The following VEZT variants were observed in gnomAD, a reference collection of about 807,000 sequenced individuals.
The protein encoded by VEZT is vezatin, adherens junctions transmembrane protein, also known as vezatin.
In VEZT, 39 loss-of-function variants were observed where a neutral mutation model predicts 79.9. The ratio of observed to expected loss-of-function variants is 0.49; its 90% CI spans 0.38 to 0.64. VEZT has a LOEUF of 0.64. VEZT is among the 30% of genes least tolerant of loss of function. The pLI is 0.00. For missense variants in VEZT, 837 were observed against 893.1 expected, an observed-to-expected ratio of 0.94 and a Z score of 0.80; for synonymous variants, 325 against 327.6, an observed-to-expected ratio of 0.99 and a Z score of 0.09.
chr12:95,252,197 T>G, intron 2 of VEZT, 126 bp downstream of exon 2: 1 of 1,022,790 alleles, frequency 9.8e-7, no homozygotes, highest in Non-Finnish European at 1.3e-6. Flanking sequence ...TCATCAATAG[T>G]ACAAAACTTT....
chr12:95,227,569 G>C (rs1307379720), intron 1 of VEZT, among the ~76,000 whole-genome samples: 1 of 152,130 alleles, frequency 6.6e-6, no homozygotes. Context: ...TCGAACTCCT[G>C]ACCTCAGGTG....
chr12:95,236,594 A>T (rs546549143), intron 1 of VEZT, among the ~76,000 whole-genome samples: 7 of 140,840 alleles, frequency 5.0e-5, no homozygotes, highest in Admixed American at 2.9e-4. Flanking sequence ...TTTTTTTCTG[A>T]GAGGGAGTCT....
At chr12:95,260,064 T>C (rs1323033211) in intron 3 of VEZT, among the ~76,000 whole-genome samples, 1 of 151,814 alleles carries the variant, frequency 6.6e-6, no homozygotes, top group East Asian at 1.9e-4. Flanking sequence ...AGTTTATTTG[T>C]ATTCATAGAT....
In VEZT at chr12:95,226,056, C is replaced by T. The variant is rs530554073; in HGVS notation, c.36+8170C>T. On this transcript the variant is annotated intron_variant, in intron 1 of 11. Coordinates refer to ENST00000436874, the MANE Select transcript of VEZT (RefSeq NM_017599.4). The stretch of plus-strand genomic sequence containing the variant: ...GCTGTGATGAGCTTTGATGAGGCCA[C>T]TGCACTCTGCCTTGGTGACAGATTG... Among the ~76,000 whole-genome samples, 48 of 150,390 alleles carry T rather than the reference C, an allele frequency of 3.2e-4. 1 individual carries two copies. The South Asian group carries it at 9.6e-3, about 30-fold the overall frequency.
chr12:95,282,354 C>T lies in VEZT; in HGVS notation c.1038C>T (p.Phe346=). 1.2e-6 allele frequency: 2 copies of T among 1,613,782 alleles called. No individual in the cohort carries two copies. Among genetic ancestry groups the T allele is most frequent in the Non-Finnish European group, 1.7e-6 (2 of 1,179,834 alleles). ...GGGTGGCACAGAGTTCAGAGTTCTT[C>T]AGACGGTTAGCCCTATTACTTTCTA... ...QLWVAQSSEF[F]RRLALLLSTA... is the part of the protein sequence containing the mutation. Residue 346 remains phenylalanine, a synonymous_variant, in exon 8 of 12, where the codon TTC becomes TTT. Coordinates refer to ENST00000436874, the MANE Select transcript of VEZT (RefSeq NM_017599.4).
Position 95,251,972 on chromosome 12 carries a change from G to A in VEZT, c.69G>A (p.Leu23=), listed in dbSNP as rs373135467. The A allele has an allele frequency of 1.1e-4, 172 of 1,611,838 alleles. No homozygotes were observed. Among genetic ancestry groups the A allele is most frequent in the Non-Finnish European group, 1.4e-4 (170 of 1,179,054 alleles). ...CACTTTACCAATACTTACAGGATCT[G>A]GGACACACAGACTTTGAAATATGTT... ...NSPLYQYLQD[L]GHTDFEICSS... is the part of the protein sequence containing the mutation. Residue 23 remains leucine (L), a synonymous_variant, in exon 2 of 12, where the codon CTG becomes CTA. Coordinates refer to ENST00000436874, the MANE Select transcript of VEZT (RefSeq NM_017599.4).
intron 9 of VEZT, among the ~76,000 whole-genome samples, chr12:95,290,084 C>T (rs188074901): frequency 6.6e-6 from 1 of 152,302 alleles, no homozygotes; most frequent in East Asian, 1.9e-4. Flanking sequence ...ATTTTATCCA[C>T]AGAACCCATT....
At chr12:95,246,493 G>A (rs2061742410) in intron 1 of VEZT, among the ~76,000 whole-genome samples, 1 of 152,174 alleles carries the variant, frequency 6.6e-6, no homozygotes, top group South Asian at 2.1e-4. Context: ...GTAGGACTTG[G>A]ATGAGACATT....
chr12:95,281,335 G>A (rs1007699932), intron 7 of VEZT, among the ~76,000 whole-genome samples: 11 of 152,152 alleles, frequency 7.2e-5, no homozygotes, highest in African/African-American at 2.7e-4. Context: ...AATATTAGCT[G>A]AGTATGGTGG....
Position 95,301,794 on chromosome 12 carries a change from T to C in VEZT, c.*1121T>C, listed in dbSNP as rs890307990. On this transcript the variant is annotated 3_prime_UTR_variant, in exon 12 of 12. Coordinates refer to ENST00000436874, the MANE Select transcript of VEZT (RefSeq NM_017599.4). The stretch of plus-strand genomic sequence containing the variant: ...TAGAAAGGAAATTGCATGATGAATC[T>C]AGATTGTCTTTAGAGTAAAGAAACA... 2.0e-5 allele frequency: 3 copies of C among 152,260 alleles called. No individual in the cohort carries two copies. The highest frequency in any genetic ancestry group is 7.2e-5 in the African/African-American group (3 of 41,468). 9.4% of individuals were successfully genotyped at this position (152,260 alleles called of 1,614,324 possible). A position where few individuals can be genotyped will look rare whatever the true frequency, so the allele number is the denominator to read the frequency against.
chr12:95,298,547 A>G (rs149213901), intron 11 of VEZT, among the ~76,000 whole-genome samples: 1 of 152,266 alleles, frequency 6.6e-6, no homozygotes, highest in African/African-American at 2.4e-5. Context: ...TCAGCAAATT[A>G]CTCATTCAAC....
At chr12:95,259,052 G>A (rs564530445) in intron 3 of VEZT, among the ~76,000 whole-genome samples, 2 of 152,156 alleles carry the variant, frequency 1.3e-5, no homozygotes, top group Non-Finnish European at 2.9e-5. Flanking sequence ...TAAAGAGTCT[G>A]CATAATTTGG....
At chr12:95,267,008 C>T (rs548846517) in intron 5 of VEZT, among the ~76,000 whole-genome samples, 7 of 152,252 alleles carry the variant, frequency 4.6e-5, no homozygotes, top group Admixed American at 2.0e-4. Flanking sequence ...TTATGATAGA[C>T]GTATCTGCTA....
chr12:95,242,876 C>CAAA (rs367689756), intron 1 of VEZT, among the ~76,000 whole-genome samples: 13 of 64,284 alleles, frequency 2.0e-4, no homozygotes, highest in South Asian at 1.5e-3. Context: ...TCCATCTCAC[C>CAAA]AAAAAAAAAA....
chr12:95,221,533 CA>C (rs35316329), intron 1 of VEZT, among the ~76,000 whole-genome samples: 64 of 141,250 alleles, frequency 4.5e-4, no homozygotes, highest in East Asian at 8.1e-4. Context: ...GATTCCATCT[CA>C]AAAAAAAAAA....
chr12:95,225,792 A>AAAAAAG (rs2058378364), intron 1 of VEZT, among the ~76,000 whole-genome samples: 1 of 76,034 alleles, frequency 1.3e-5, no homozygotes, highest in Non-Finnish European at 2.6e-5. Flanking sequence ...AAAAAAAAAA[A>AAAAAAG]AGAGAGAGAA....
intron 3 of VEZT, among the ~76,000 whole-genome samples, chr12:95,261,687 A>G (rs774758493): frequency 1.3e-5 from 2 of 152,228 alleles, no homozygotes; most frequent in Non-Finnish European, 2.9e-5. Context: ...CTGGGACTAC[A>G]GGCGTGAGCC....
At chr12:95,296,024 AG>A in intron 10 of VEZT, 26 bp from the exon 11 acceptor site, 2 of 1,474,712 alleles carry the variant, frequency 1.4e-6, no homozygotes, top group Non-Finnish European at 1.8e-6. Context: ...CTTCAAGTAA[AG>A]TGCTTTTTCT....
chr12:95,226,348 A>G (rs2058485526), intron 1 of VEZT, among the ~76,000 whole-genome samples: 1 of 151,908 alleles, frequency 6.6e-6, no homozygotes, highest in African/African-American at 2.4e-5. Context: ...CCAATTTACC[A>G]TATCTATCTT....
Sources: gnomAD v4.1 joint callset for allele counts (sites outside exome capture counted in the v4.1 genomes callset) on GRCh38, gnomAD v4.1.1 for gene constraint, MANE v1.5 for transcripts, NCBI Gene and HGNC (gene_info 2026-07-23, HGNC 2026-07-21) for gene names.